Variants in RCC2 observed in about 807,000 individuals in gnomAD.
RCC2 encodes regulator of chromosome condensation 2.
In RCC2, 19 loss-of-function variants were observed where a neutral mutation model predicts 64.1. The ratio of observed to expected loss-of-function variants is 0.30; its 90% CI spans 0.21 to 0.44. RCC2 has a LOEUF of 0.44. RCC2 is among the 20% of genes least tolerant of loss of function. RCC2 has a pLI of 1.00. For missense variants in RCC2, 508 were observed against 710.4 expected (o/e 0.72, Z 3.24); for synonymous variants, 325 against 279.6 (o/e 1.16, Z -1.62).
chr1:17,438,478 C>A lies in RCC2; in HGVS notation c.37G>T (p.Glu13Ter). 1 of 1,341,694 alleles carries A rather than the reference C, an allele frequency of 7.5e-7. No individual in the cohort carries two copies. The highest frequency in any genetic ancestry group is 9.5e-7 in the Non-Finnish European group (1 of 1,050,202). 83.1% of individuals were successfully genotyped at this position (1,341,694 alleles called of 1,614,324 possible). A position where few individuals can be genotyped will look rare whatever the true frequency, so the allele number is the denominator to read the frequency against. Residue 13 changes from glutamate (E) to a stop codon, truncating the protein, a stop_gained, in exon 2 of 13, where the codon GAG becomes TAG. Coordinates refer to ENST00000375436, the MANE Select transcript of RCC2 (RefSeq NM_018715.4). LOFTEE classifies it high-confidence loss of function. ...GCAGTGCCGTTGCCCGAGCTCGGCT[C>A]CTCCCAGGCCGCCGCCGCCGCCTTC... The part of the protein sequence containing the change: ...RKKAAAAAWE[E>*]PSSGNGTARA...
intron 2 of RCC2, 30 bp from the exon 3 acceptor site, chr1:17,429,229 T>G: frequency 6.4e-7 from 1 of 1,568,740 alleles, no homozygotes; most frequent in East Asian, 2.2e-5. Context: ...AAAAAAGAAT[T>G]AGTGTGTAAG....
intron 12 of RCC2, 27 bp downstream of exon 12, chr1:17,409,947 C>A: frequency 6.2e-7 from 1 of 1,601,582 alleles, no homozygotes; most frequent in Non-Finnish European, 8.6e-7. Context: ...GACACGTCCC[C>A]GAGCTGGCAC....
chr1:17,428,299 G>A (rs1236763532), intron 3 of RCC2, among the ~76,000 whole-genome samples: 1 of 152,264 alleles, frequency 6.6e-6, no homozygotes, highest in Admixed American at 6.5e-5. Context: ...GGCCCCCTCT[G>A]GCTTGGGCCT....
rs1240671906 is a variant in RCC2 at position 17,435,785 on chromosome 1, G to GCA, written c.285+2444_285+2445insTG. 3.3e-5 allele frequency among the ~76,000 whole-genome samples: 5 copies of GCA among 152,220 alleles called. No individual in the cohort carries two copies. In the East Asian group the frequency reaches 9.7e-4, roughly 29 times the overall value. On this transcript the variant is annotated intron_variant, in intron 2 of 12. Coordinates refer to ENST00000375436, the MANE Select transcript of RCC2 (RefSeq NM_018715.4). The stretch of plus-strand genomic sequence containing the variant: ...TACAAAAAATTAGCCAGGTGTGGTG[G>GCA]TGGGCGTCTATAATCCCAGCTACTC...
chr1:17,429,828 T>C (rs2075656475), intron 2 of RCC2, among the ~76,000 whole-genome samples: 1 of 152,034 alleles, frequency 6.6e-6, no homozygotes, highest in African/African-American at 2.4e-5. Flanking sequence ...CGGGAGCCAA[T>C]GGTGAGTGAA....
intron 1 of RCC2, 117 bp downstream of exon 1, chr1:17,439,428 A>T (rs1410216135): frequency 7.1e-6 from 1 of 140,918 alleles, no homozygotes; most frequent in Non-Finnish European, 1.5e-5. Flanking sequence ...TTATTCCTTC[A>T]ATCACCCAGC....
intron 1 of RCC2, among the ~76,000 whole-genome samples, chr1:17,439,330 CTTTT>C (rs34171604): frequency 7.9e-5 from 11 of 139,410 alleles, no homozygotes; most frequent in Non-Finnish European, 1.2e-4. Flanking sequence ...CCCCTGTCTG[CTTTT>C]TTTTTTTTTT....
intron 2 of RCC2, among the ~76,000 whole-genome samples, chr1:17,432,582 A>C (rs989395124): frequency 6.6e-6 from 1 of 152,208 alleles, no homozygotes; most frequent in Non-Finnish European, 1.5e-5. Flanking sequence ...CACTGCAGCA[A>C]AACTTCACAG....
chr1:17,425,889 A>C (rs564095154), intron 3 of RCC2, among the ~76,000 whole-genome samples: 7 of 152,294 alleles, frequency 4.6e-5, no homozygotes, highest in African/African-American at 1.4e-4. Flanking sequence ...CCAAAAATCA[A>C]AATACCCAGA....
At chr1:17,432,983 G>T (rs1032454034) in intron 2 of RCC2, among the ~76,000 whole-genome samples, 2 of 150,016 alleles carry the variant, frequency 1.3e-5, no homozygotes, top group Non-Finnish European at 3.0e-5. Context: ...AAAAGAAAAA[G>T]AAAAAAATAT....
intron 3 of RCC2, among the ~76,000 whole-genome samples, chr1:17,425,892 T>C (rs1458193094): frequency 6.6e-6 from 1 of 152,108 alleles, no homozygotes; most frequent in East Asian, 1.9e-4. Context: ...AAAATCAAAA[T>C]ACCCAGAAGC....
At chr1:17,413,405 C>T (rs1310763941) in intron 9 of RCC2, 132 bp downstream of exon 9, 15 of 1,047,748 alleles carry the variant, frequency 1.4e-5, no homozygotes, top group Middle Eastern at 2.2e-4. Context: ...GACAACACAA[C>T]GAGTTCCTGT....
rs2075772668 is a variant in RCC2, at chr1:17,438,725, CG to C, written c.-8-204del. On this transcript the variant is annotated intron_variant, in intron 1 of 12. Coordinates refer to ENST00000375436, the MANE Select transcript of RCC2 (RefSeq NM_018715.4). The stretch of plus-strand genomic sequence containing the variant: ...CCGGCGCGGCTCCTTCGGGGAATCC[CG>C]CAGGGCAGCCGGGAGCCCCAGAGGC... Among the ~76,000 whole-genome samples, 3 of 152,132 alleles carry C rather than the reference CG, an allele frequency of 2.0e-5. No homozygotes were observed. In the South Asian group the frequency reaches 6.2e-4, roughly 32 times the overall value.
intron 2 of RCC2, among the ~76,000 whole-genome samples, chr1:17,437,469 A>G (rs1301152698): frequency 6.6e-6 from 1 of 152,100 alleles, no homozygotes; most frequent in Non-Finnish European, 1.5e-5. Flanking sequence ...CTTTTTCGGG[A>G]ACGTTAACTT....
chr1:17,415,900 C>A (rs1474895001), intron 8 of RCC2, among the ~76,000 whole-genome samples: 3 of 151,592 alleles, frequency 2.0e-5, no homozygotes, highest in Non-Finnish European at 4.4e-5. Flanking sequence ...GAAACCCTGT[C>A]TCTACTGAAA....
intron 8 of RCC2, among the ~76,000 whole-genome samples, chr1:17,414,530 AAAAAAAAAAAACAAAACGAAAC>A (rs1370949412): frequency 2.2e-5 from 3 of 138,244 alleles, no homozygotes; most frequent in Admixed American, 7.0e-5. Flanking sequence ...ACTCCATCTC[AAAAAAAAAAAACAAAACGAAAC>A]AAAAAAAAAA....
At chr1:17,427,645 G>T (rs879270006) in intron 3 of RCC2, among the ~76,000 whole-genome samples, 14 of 152,272 alleles carry the variant, frequency 9.2e-5, no homozygotes, top group Admixed American at 8.5e-4. Context: ...GGGACGCCAG[G>T]CAAGGGTGCG....
chr1:17,433,095 A>G (rs545463466), intron 2 of RCC2, among the ~76,000 whole-genome samples: 54 of 152,380 alleles, frequency 3.5e-4, no homozygotes, highest in Admixed American at 6.5e-5. Flanking sequence ...AAACCCCGGT[A>G]AACTGAGTCT....
In RCC2 at chr1:17,438,666, G is replaced by C. The variant is rs1316599348; in HGVS notation, c.-8-144C>G. ...GCCGCAGGGTGGGCGGAGAGGGGGCGAGTTGGGAGAGGAAATCGCGCCCCT... is the reference window on the plus strand; with the variant it reads ...GCCGCAGGGTGGGCGGAGAGGGGGCCAGTTGGGAGAGGAAATCGCGCCCCT... On this transcript the variant is annotated intron_variant, in intron 1 of 12. Transcript: ENST00000375436. 2.4e-5 allele frequency: 19 copies of C among 780,138 alleles called. No individual in the cohort carries two copies. The East Asian group carries it at 5.0e-4, about 20-fold the overall frequency. The allele number at this position is 780,138 out of a possible 1,614,324, so 48.3% of individuals were successfully genotyped here.
Sources: allele counts gnomAD v4.1 joint callset (sites outside exome capture counted in the v4.1 genomes callset), GRCh38; gene constraint gnomAD v4.1.1; transcripts MANE v1.5; gene names NCBI Gene and HGNC (gene_info 2026-07-23, HGNC 2026-07-21).